GRK5: variants seen among roughly 807,000 people sequenced by gnomAD.
GRK5 encodes the protein G protein-coupled receptor kinase 5.
In GRK5, 40 loss-of-function variants were observed where a neutral mutation model predicts 78.4. The ratio of observed to expected loss-of-function variants is 0.51; its 90% CI spans 0.40 to 0.66. The LOEUF (loss-of-function observed/expected upper bound fraction) is 0.66, where lower values mean the gene tolerates loss of function less well. GRK5 is among the 30% of genes least tolerant of loss of function. The pLI is 0.00. For missense variants in GRK5, 598 were observed against 759.9 expected, an observed-to-expected ratio of 0.79 and a Z score of 2.50; for synonymous variants, 289 against 296.8, an observed-to-expected ratio of 0.97 and a Z score of 0.27.
intron 1 of GRK5, among the ~76,000 whole-genome samples, chr10:119,221,803 GA>G (rs1200396803): frequency 2.6e-5 from 4 of 152,140 alleles, no homozygotes; most frequent in African/African-American, 9.7e-5. Flanking sequence ...TTTCTTATGA[GA>G]AAGGAGCATG....
intron 1 of GRK5, among the ~76,000 whole-genome samples, chr10:119,274,062 C>G (rs1374180204): frequency 6.6e-6 from 1 of 152,220 alleles, no homozygotes; most frequent in African/African-American, 2.4e-5. Context: ...TTCTTTTAAA[C>G]TTCAGCTCAT....
At chr10:119,391,790 G>A (rs1851892422) in intron 3 of GRK5, among the ~76,000 whole-genome samples, 1 of 152,224 alleles carries the variant, frequency 6.6e-6, no homozygotes, top group Non-Finnish European at 1.5e-5. Context: ...TTCTCCAGCG[G>A]GGTGCATGGT....
intron 1 of GRK5, among the ~76,000 whole-genome samples, chr10:119,214,366 T>C (rs1196675193): frequency 6.6e-6 from 1 of 152,216 alleles, no homozygotes; most frequent in African/African-American, 2.4e-5. Context: ...GTGACCTCCT[T>C]AGCTGTGTAG....
Position 119,458,890 on chromosome 10 carries a change from C to T in GRK5, c.*3823C>T, listed in dbSNP as rs573448279. 1 of 152,296 alleles carries T rather than the reference C, an allele frequency of 6.6e-6. No individual in the cohort carries two copies. Among genetic ancestry groups the T allele is most frequent in the African/African-American group, 2.4e-5 (1 of 41,558 alleles). 9.4% of individuals were successfully genotyped at this position (152,296 alleles called of 1,614,324 possible). A position where few individuals can be genotyped will look rare whatever the true frequency, so the allele number is the denominator to read the frequency against. ...CCGCAGCCTCCTTGAGCCTGGCATC[C>T]CAGGCCTTGCCAAAGGGGACGGTGG... On this transcript the variant is annotated 3_prime_UTR_variant, in exon 16 of 16. Coordinates refer to ENST00000392870, the MANE Select transcript of GRK5 (RefSeq NM_005308.3).
intron 1 of GRK5, among the ~76,000 whole-genome samples, chr10:119,221,633 A>T (rs1848657822): frequency 6.6e-6 from 1 of 152,210 alleles, no homozygotes; most frequent in South Asian, 2.1e-4. Flanking sequence ...ATAAAGGAAT[A>T]TCCTACCCAT....
intron 1 of GRK5, among the ~76,000 whole-genome samples, chr10:119,254,985 G>A (rs919428095): frequency 6.9e-6 from 1 of 145,464 alleles, no homozygotes; most frequent in Non-Finnish European, 1.5e-5. Context: ...AACCCAGGAA[G>A]CCGAGATTGC....
At chr10:119,388,459 T>C (rs7895465) in intron 3 of GRK5, among the ~76,000 whole-genome samples, 151,989 of 152,340 alleles carry the variant, frequency 1, 75,820 homozygotes, top group Middle Eastern at 1. Flanking sequence ...GCCTCAGCCA[T>C]CCTAGTAGCT....
intron 8 of GRK5, among the ~76,000 whole-genome samples, chr10:119,433,274 T>C (rs537615526): frequency 2.6e-5 from 4 of 152,086 alleles, no homozygotes; most frequent in Admixed American, 2.6e-4. Context: ...CCTTCTTGAG[T>C]CCGAAACCTT....
chr10:119,324,603 C>T (rs6585543), intron 1 of GRK5, among the ~76,000 whole-genome samples: 104,792 of 152,004 alleles, frequency 0.69, 37,877 homozygotes, highest in Non-Finnish European at 0.79. Flanking sequence ...GCACTCCATC[C>T]TGGGTGACAG....
At chr10:119,307,530 G>A (rs573583916) in intron 1 of GRK5, among the ~76,000 whole-genome samples, 2 of 152,222 alleles carry the variant, frequency 1.3e-5, no homozygotes, top group Non-Finnish European at 2.9e-5. Flanking sequence ...GAAGGTGGAG[G>A]AAGGGCCATG....
chr10:119,271,826 C>A lies in GRK5; in HGVS notation c.53-54690C>A, dbSNP rs967344314. Among the ~76,000 whole-genome samples, 4 of 152,006 alleles carry A rather than the reference C, an allele frequency of 2.6e-5. No homozygotes were observed. Among genetic ancestry groups the A allele is most frequent in the African/African-American group, 9.7e-5 (4 of 41,424 alleles). ...GTGTGACGTTGGGGAAGTTGCTTGC[C>A]TAATATGTGTGTGTTTCCTCATCTG... On this transcript the variant is annotated intron_variant, in intron 1 of 15. Coordinates refer to ENST00000392870, the MANE Select transcript of GRK5 (RefSeq NM_005308.3). This position sits in a 1 kb window ranked among gnomAD's most constrained non-coding sequence, Gnocchi z 4.1.
chr10:119,458,593 C>A lies in GRK5; in HGVS notation c.*3526C>A. The A allele has an allele frequency of 6.6e-6, 1 of 152,042 alleles. No individual in the cohort carries two copies. The allele number at this position is 152,042 out of a possible 1,614,324, so 9.4% of individuals were successfully genotyped here. ...CATACACATACCAGCAAGCAGCTGC[C>A]GAGACAAATGGTGGTGGGAAGTCCT... On this transcript the variant is annotated 3_prime_UTR_variant, in exon 16 of 16. Transcript: ENST00000392870.
chr10:119,223,933 C>T (rs545381359), intron 1 of GRK5, among the ~76,000 whole-genome samples: 12 of 152,094 alleles, frequency 7.9e-5, no homozygotes, highest in African/African-American at 2.4e-4. Context: ...AGGATAAATG[C>T]ACCACTCTTT....
intron 1 of GRK5, among the ~76,000 whole-genome samples, chr10:119,213,646 T>G (rs1848523919): frequency 6.6e-6 from 1 of 152,138 alleles, no homozygotes; most frequent in Non-Finnish European, 1.5e-5. Flanking sequence ...AGATGTATTT[T>G]GGGGGGGCAG....
chr10:119,458,611 G>C lies in GRK5; in HGVS notation c.*3544G>C, dbSNP rs984337863. The C allele has an allele frequency of 6.7e-6, 1 of 148,988 alleles. No individual in the cohort carries two copies. The highest frequency in any genetic ancestry group is 6.7e-5 in the Admixed American group (1 of 14,878). 9.2% of individuals were successfully genotyped at this position (148,988 alleles called of 1,614,324 possible). A position where few individuals can be genotyped will look rare whatever the true frequency, so the allele number is the denominator to read the frequency against. ...CAGCTGCCGAGACAAATGGTGGTGG[G>C]AAGTCCTGGGAACACACACAGCCTT... On this transcript the variant is annotated 3_prime_UTR_variant, in exon 16 of 16. Coordinates refer to ENST00000392870, the MANE Select transcript of GRK5 (RefSeq NM_005308.3).
At chr10:119,366,474 G>T (rs189931422) in intron 2 of GRK5, among the ~76,000 whole-genome samples, 2 of 152,206 alleles carry the variant, frequency 1.3e-5, no homozygotes, top group Non-Finnish European at 2.9e-5. Flanking sequence ...ATGTGGTGCA[G>T]CTCACAGAAC....
intron 2 of GRK5, among the ~76,000 whole-genome samples, chr10:119,380,572 A>C (rs1415781056): frequency 6.6e-6 from 1 of 152,240 alleles, no homozygotes; most frequent in Non-Finnish European, 1.5e-5. Flanking sequence ...GTCCATACAG[A>C]AATCAGAGCA....
Position 119,431,684 on chromosome 10 carries a change from TC to T in GRK5, c.738+159del, listed in dbSNP as rs1852822238. Reference sequence around the variant, plus strand: ...GAGCTACAGAAAGGCCGCAAGACATTCCTCCATCACACGGCCCATTGTGGTC... The same window carrying T: ...GAGCTACAGAAAGGCCGCAAGACATTCTCCATCACACGGCCCATTGTGGTC... On this transcript the variant is annotated intron_variant, in intron 8 of 15. Transcript: ENST00000392870. The surrounding 1 kb of genome is among the most constrained non-coding windows in gnomAD (Gnocchi z 4.8). 6.6e-6 allele frequency among the ~76,000 whole-genome samples: 1 copy of T among 152,186 alleles called. No homozygotes were observed.
chr10:119,284,285 C>T (rs2133693590), intron 1 of GRK5, among the ~76,000 whole-genome samples: 1 of 151,970 alleles, frequency 6.6e-6, no homozygotes, highest in East Asian at 1.9e-4. Flanking sequence ...TTATTTAATC[C>T]AGTATCTGCA....
Sources: allele counts gnomAD v4.1 joint callset (sites outside exome capture counted in the v4.1 genomes callset), GRCh38; gene constraint gnomAD v4.1.1; non-coding constraint Gnocchi (gnomAD v3.1); transcripts MANE v1.5; gene names NCBI Gene and HGNC (gene_info 2026-07-23, HGNC 2026-07-21).